PCDHA1: variants seen among roughly 807,000 people sequenced by gnomAD.
The protein encoded by PCDHA1 is protocadherin alpha 1, also known as protocadherin alpha-1.
A neutral mutation model predicts 61.3 loss-of-function variants in PCDHA1; 42 were observed. The ratio of observed to expected loss-of-function variants is 0.69; its 90% CI spans 0.54 to 0.89. The LOEUF (loss-of-function observed/expected upper bound fraction) is 0.89. Among genes scored for constraint, PCDHA1 ranks in the 40% least tolerant of loss-of-function variants. The pLI is 0.00. For synonymous variants in PCDHA1, 610 were observed against 553.8 expected (o/e 1.10, Z -1.43); for missense variants, 1,256 against 1,235.3 (o/e 1.02, Z -0.25).
chr5:140,786,233 T>C lies in PCDHA1; in HGVS notation c.-58T>C. The C allele has an allele frequency of 2.0e-6, 3 of 1,515,556 alleles. No individual in the cohort carries two copies. In the South Asian group the frequency reaches 4.0e-5, roughly 20 times the overall value. The allele number at this position is 1,515,556 out of a possible 1,614,324, so 93.9% of individuals were successfully genotyped here. Reference sequence around the variant, plus strand: ...GAGATAAATGATTGGAAATATTAGATAAAATGGCATGATTTTGAAGTAAGA... The same window carrying C: ...GAGATAAATGATTGGAAATATTAGACAAAATGGCATGATTTTGAAGTAAGA... On this transcript the variant is annotated 5_prime_UTR_variant, in exon 1 of 4. The change abolishes the stop of an existing upstream ORF in the 5' untranslated region. Coordinates refer to ENST00000504120, the MANE Select transcript of PCDHA1 (RefSeq NM_018900.4).
At chr5:140,807,395 G>GC (rs782764363) in intron 1 of PCDHA1, 1 of 994,818 alleles carries the variant, frequency 1.0e-6, no homozygotes, top group Non-Finnish European at 1.4e-6. Context: ...GGCGTCCAAG[G>GC]GCCGCGGAGG....
chr5:140,829,347 C>G (rs1475492730), intron 1 of PCDHA1: 2 of 1,614,232 alleles, frequency 1.2e-6, no homozygotes, highest in Non-Finnish European at 1.7e-6. Flanking sequence ...GAGAGCGTGT[C>G]GGCCTATGAG....
At chr5:140,789,714 C>T (rs6898906) in intron 1 of PCDHA1, among the ~76,000 whole-genome samples, 1 of 151,916 alleles carries the variant, frequency 6.6e-6, no homozygotes, top group Middle Eastern at 3.4e-3. Context: ...GTTCTAAAAC[C>T]CTTTACTTTT....
intron 1 of PCDHA1, among the ~76,000 whole-genome samples, chr5:140,964,896 G>A (rs868917865): frequency 6.6e-6 from 1 of 152,170 alleles, no homozygotes. Context: ...TAGGAGGCTG[G>A]GCGCTTCTCT....
At chr5:140,805,439 G>T (rs1581672644) in intron 1 of PCDHA1, 1 of 1,023,338 alleles carries the variant, frequency 9.8e-7, no homozygotes, top group Non-Finnish European at 1.2e-6. Context: ...TTTGGTTTTT[G>T]TGTGTGTGTG....
At chr5:140,877,637 G>C in intron 1 of PCDHA1, 1 of 1,613,638 alleles carries the variant, frequency 6.2e-7, no homozygotes, top group South Asian at 1.1e-5. Context: ...ACTGCGCTGC[G>C]TTGCTCAGCG....
At chr5:140,898,970 C>T (rs2067071539) in intron 1 of PCDHA1, among the ~76,000 whole-genome samples, 2 of 152,006 alleles carry the variant, frequency 1.3e-5, no homozygotes, top group South Asian at 4.2e-4. Context: ...TGGGAGTTCA[C>T]TCATGATTTG....
intron 1 of PCDHA1, among the ~76,000 whole-genome samples, chr5:140,943,004 C>T (rs1248261862): frequency 6.6e-6 from 1 of 151,842 alleles, no homozygotes; most frequent in East Asian, 1.9e-4. Context: ...TGCCTGTAAT[C>T]CCAGCACTTT....
intron 1 of PCDHA1, chr5:140,803,257 C>A: frequency 6.2e-7 from 1 of 1,613,906 alleles, no homozygotes; most frequent in Non-Finnish European, 8.5e-7. Context: ...GCTGGCGCCA[C>A]GGGCCCGGAA....
chr5:140,934,235 A>G (rs1202721010), intron 1 of PCDHA1, among the ~76,000 whole-genome samples: 1 of 152,048 alleles, frequency 6.6e-6, no homozygotes, highest in Non-Finnish European at 1.5e-5. Flanking sequence ...TTTGTACTTA[A>G]TTGTGGAGAT....
intron 1 of PCDHA1, chr5:140,877,068 G>T: frequency 6.2e-7 from 1 of 1,613,122 alleles, no homozygotes; most frequent in African/African-American, 1.3e-5. Context: ...AGCTGCTGCA[G>T]TTCCAGGTGA....
At chr5:140,857,712 T>C (rs781941638) in intron 1 of PCDHA1, 3 of 1,597,298 alleles carry the variant, frequency 1.9e-6, no homozygotes, top group Admixed American at 1.7e-5. Context: ...GTGTTCGTGC[T>C]GGACGAGAAC....
chr5:140,925,424 T>C (rs1554202738), intron 1 of PCDHA1, among the ~76,000 whole-genome samples: 1 of 152,038 alleles, frequency 6.6e-6, no homozygotes, highest in Non-Finnish European at 1.5e-5. Context: ...GAACTGGTTG[T>C]AGGGTGTTAG....
At chr5:140,979,571 G>A (rs2096856939) in intron 2 of PCDHA1, among the ~76,000 whole-genome samples, 1 of 152,154 alleles carries the variant, frequency 6.6e-6, no homozygotes. Flanking sequence ...GCCATGTAAA[G>A]GGCTCCAAAT....
At chr5:140,821,639 G>T (rs1554128143) in intron 1 of PCDHA1, 6 of 1,031,504 alleles carry the variant, frequency 5.8e-6, no homozygotes, top group South Asian at 5.2e-5. Flanking sequence ...GAAAGGAAAA[G>T]AACCTTCCAT....
intron 1 of PCDHA1, among the ~76,000 whole-genome samples, chr5:140,896,209 T>C (rs1489640114): frequency 6.6e-6 from 1 of 152,238 alleles, no homozygotes; most frequent in African/African-American, 2.4e-5. Context: ...AACATACACA[T>C]ACATGTGTCT....
At chr5:140,794,667 A>T (rs1761873017) in intron 1 of PCDHA1, among the ~76,000 whole-genome samples, 1 of 152,230 alleles carries the variant, frequency 6.6e-6, no homozygotes, top group Non-Finnish European at 1.5e-5. Flanking sequence ...GTAAAAAGGT[A>T]ATATATTTTA....
chr5:140,983,548 T>C (rs1479703561), intron 3 of PCDHA1, among the ~76,000 whole-genome samples: 1 of 152,212 alleles, frequency 6.6e-6, no homozygotes, highest in African/African-American at 2.4e-5. Context: ...GTCTCATTTA[T>C]TCCTTAAGTC....
intron 1 of PCDHA1, chr5:140,859,894 C>T (rs930000447): frequency 6.6e-6 from 1 of 151,852 alleles, no homozygotes; most frequent in Non-Finnish European, 1.5e-5. Context: ...GAAAAAAAAT[C>T]TTCCTTAATG....
Sources: allele counts gnomAD v4.1 joint callset (sites outside exome capture counted in the v4.1 genomes callset), GRCh38; gene constraint gnomAD v4.1.1; transcripts MANE v1.5; gene names NCBI Gene and HGNC (gene_info 2026-07-23, HGNC 2026-07-21).